Variants in CAST observed in about 807,000 individuals in gnomAD.
CAST encodes the protein MIR583 host.
CAST carries 76 observed loss-of-function variants against 119.6 expected under a neutral mutation model. The observed-to-expected ratio is 0.64, with a 90% CI of 0.53 to 0.77. The LOEUF is 0.77. Ranked by LOEUF, CAST falls within the 30% of genes least tolerant of loss-of-function variation. The pLI, the probability that CAST is intolerant of heterozygous loss-of-function variation, is 0.00. For synonymous variants in CAST, 319 were observed against 331.6 expected, an observed-to-expected ratio of 0.96 and a Z score of 0.41; for missense variants, 953 against 946.5, an observed-to-expected ratio of 1.01 and a Z score of -0.09.
intron 1 of CAST, among the ~76,000 whole-genome samples, chr5:96,576,386 C>T (rs919212253): frequency 6.6e-6 from 1 of 151,884 alleles, no homozygotes; most frequent in African/African-American, 2.4e-5. Flanking sequence ...ACTCTGTCAC[C>T]CAGGCTGGAG....
the CAST span, among the ~76,000 whole-genome samples, chr5:96,013,094 A>G: frequency 6.6e-5 from 10 of 152,248 alleles, no homozygotes; most frequent in Admixed American, 5.2e-4. Flanking sequence ...TTTTGTGACA[A>G]CTGACACATC....
At chr5:96,433,009 C>T in the CAST span, 1 of 1,614,214 alleles carries the variant, frequency 6.2e-7, no homozygotes, top group Admixed American at 1.7e-5. Flanking sequence ...AGGACGAAAG[C>T]AGTGCACTGC....
At chr5:96,050,028 G>C in the CAST span, 1 of 151,738 alleles carries the variant, frequency 6.6e-6, no homozygotes, top group Non-Finnish European at 1.5e-5. Flanking sequence ...GAAATGAGTA[G>C]TTAATATTGT....
At chr5:96,561,840 T>C (rs968325383) in intron 1 of CAST, among the ~76,000 whole-genome samples, 6 of 132,764 alleles carry the variant, frequency 4.5e-5, no homozygotes, top group Non-Finnish European at 9.7e-5. Context: ...TCGCCCAGGC[T>C]GGAGTGCAGT....
the CAST span, among the ~76,000 whole-genome samples, chr5:96,092,563 G>A: frequency 7.2e-5 from 11 of 152,258 alleles, no homozygotes; most frequent in African/African-American, 2.2e-4. Flanking sequence ...TACTGAGTTG[G>A]TTTAAAATAT....
intron 10 of CAST, 139 bp from the exon 11 acceptor site, chr5:96,737,710 T>G (rs1007681827): frequency 1.5e-5 from 8 of 545,846 alleles, no homozygotes; most frequent in African/African-American, 5.8e-5. Flanking sequence ...AAGACCAGAT[T>G]TTAACTATTT....
the CAST span, among the ~76,000 whole-genome samples, chr5:96,103,488 A>G: frequency 1.3e-5 from 2 of 150,944 alleles, no homozygotes; most frequent in African/African-American, 4.9e-5. Flanking sequence ...ACTGAGAATG[A>G]TGATTTCCAA....
intron 1 of CAST, among the ~76,000 whole-genome samples, chr5:96,651,407 T>G (rs975743175): frequency 6.6e-6 from 1 of 152,220 alleles, no homozygotes; most frequent in Admixed American, 6.5e-5. Context: ...ACATCATTAC[T>G]TGGTTGTATC....
intron 3 of CAST, among the ~76,000 whole-genome samples, chr5:96,719,631 G>A (rs1757854229): frequency 6.6e-6 from 1 of 152,138 alleles, no homozygotes; most frequent in African/African-American, 2.4e-5. Flanking sequence ...ATTTGGGAGG[G>A]GTAGTATTTT....
chr5:96,261,951 T>C, the CAST span, among the ~76,000 whole-genome samples: 1 of 152,182 alleles, frequency 6.6e-6, no homozygotes, highest in Non-Finnish European at 1.5e-5. Flanking sequence ...CCTTTCGAGG[T>C]AGATATTATC....
At chr5:96,207,726 T>C in the CAST span, among the ~76,000 whole-genome samples, 4 of 152,040 alleles carry the variant, frequency 2.6e-5, no homozygotes, top group Non-Finnish European at 5.9e-5. Context: ...TTTTTGCATC[T>C]ATGTTCATCA....
At chr5:96,457,535 G>A in the CAST span, among the ~76,000 whole-genome samples, 1 of 151,972 alleles carries the variant, frequency 6.6e-6, no homozygotes, top group South Asian at 2.1e-4. Context: ...CACCTATGTT[G>A]CTCCAGCCAC....
At chr5:96,198,149 G>A in the CAST span, among the ~76,000 whole-genome samples, 1 of 152,206 alleles carries the variant, frequency 6.6e-6, no homozygotes. Flanking sequence ...AGAGAAGGCG[G>A]CCTTTGCAGA....
intron 16 of CAST, among the ~76,000 whole-genome samples, chr5:96,745,528 G>T (rs1023676827): frequency 5.9e-5 from 9 of 152,168 alleles, no homozygotes; most frequent in African/African-American, 2.2e-4. Context: ...GCCGTGGGTT[G>T]GGTTGGAATA....
chr5:96,617,960 T>C (rs1043896095), intron 1 of CAST, among the ~76,000 whole-genome samples: 1 of 152,128 alleles, frequency 6.6e-6, no homozygotes, highest in Non-Finnish European at 1.5e-5. Context: ...AGCATTTGCC[T>C]AGCTGGACAG....
intron 1 of CAST, among the ~76,000 whole-genome samples, chr5:96,561,796 G>GTTTTTTTTTTGTT (rs1554067789): frequency 3.1e-5 from 3 of 97,422 alleles, no homozygotes; most frequent in African/African-American, 1.2e-4. Flanking sequence ...GTTTTTTTTT[G>GTTTTTTTTTTGTT]TTTTTTTTTT....
chr5:96,077,626 C>T, the CAST span, among the ~76,000 whole-genome samples: 1 of 152,126 alleles, frequency 6.6e-6, no homozygotes, highest in Non-Finnish European at 1.5e-5. Context: ...AGTTCTCCCT[C>T]TATTAGTTCC....
At chr5:96,171,108 G>C in the CAST span, among the ~76,000 whole-genome samples, 1 of 152,152 alleles carries the variant, frequency 6.6e-6, no homozygotes, top group African/African-American at 2.4e-5. Context: ...ACAGAGACTA[G>C]GGAGGGACCA....
chr5:96,365,430 A>T, the CAST span, among the ~76,000 whole-genome samples: 1 of 152,220 alleles, frequency 6.6e-6, no homozygotes, highest in Non-Finnish European at 1.5e-5. Flanking sequence ...GGCATGTTAA[A>T]GTCTCCCATT....
Sources: gnomAD v4.1 joint callset for allele counts (sites outside exome capture counted in the v4.1 genomes callset) on GRCh38, gnomAD v4.1.1 for gene constraint, MANE v1.5 for transcripts, NCBI Gene and HGNC (gene_info 2026-07-23, HGNC 2026-07-21) for gene names.